Variants in ZER1 observed in about 807,000 individuals in gnomAD.
ZER1 encodes the protein zyg-11 related cell cycle regulator, also known as protein zer-1 homolog.
In ZER1, 11 loss-of-function variants were observed where a neutral mutation model predicts 78.8. The ratio of observed to expected loss-of-function variants is 0.14; its 90% confidence interval spans 0.09 to 0.23. The LOEUF (loss-of-function observed/expected upper bound fraction) is 0.23, where lower values mean the gene tolerates loss of function less well. Among genes scored for constraint, ZER1 ranks in the 10% least tolerant of loss-of-function variants. The probability of loss-of-function intolerance (pLI) is 1.00; values close to 1 mark genes in which losing one functional copy is unlikely to be tolerated. For missense variants in ZER1, 588 were observed against 996.9 expected (o/e 0.59, Z 5.52); for synonymous variants, 400 against 407.0 (o/e 0.98, Z 0.21).
chr9:128,739,988 C>T lies in ZER1; in HGVS notation c.1985G>A (p.Arg662His), dbSNP rs1329548451. The T allele has an allele frequency of 6.2e-6, 10 of 1,613,768 alleles. No individual in the cohort carries two copies. The highest frequency in any genetic ancestry group is 1.6e-4 in the Middle Eastern group (1 of 6,084). ...CCAGCTCTGGATGGCAGCCCACATGCGTTCCTCCACCTCCTCACGCTGGGG... is the reference window on the plus strand; with the variant it reads ...CCAGCTCTGGATGGCAGCCCACATGTGTTCCTCCACCTCCTCACGCTGGGG... ...CEPQREEVEE[R>H]MWAAIQSWDI... Residue 662 changes from arginine (R) to histidine (H), a missense_variant, in exon 13 of 16, where the codon CGC becomes CAC. Physicochemically the swap from Arg to His is conservative, Grantham distance 29. Coordinates refer to ENST00000291900, the MANE Select transcript of ZER1 (RefSeq NM_006336.4).
Position 128,753,077 on chromosome 9 carries a change from AC to A in ZER1, c.746+86del. ...CCTCTGCCTAGCCAAGCGCTCCTGA[AC>A]CCTGAGGGCGTGACAACACCCACCT... On this transcript the variant is annotated intron_variant, in intron 4 of 15. Coordinates refer to ENST00000291900, the MANE Select transcript of ZER1 (RefSeq NM_006336.4). This position sits in a 1 kb window ranked among gnomAD's most constrained non-coding sequence, Gnocchi z 7.5. 1 of 1,370,500 alleles carries A rather than the reference AC, an allele frequency of 7.3e-7. No individual in the cohort carries two copies. The highest frequency in any genetic ancestry group is 2.6e-4 in the Middle Eastern group (1 of 3,848). The allele number at this position is 1,370,500 out of a possible 1,614,324, so 84.9% of individuals were successfully genotyped here.
At chr9:128,734,061 G>A (rs1437831980) in intron 14 of ZER1, among the ~76,000 whole-genome samples, 7 of 103,386 alleles carry the variant, frequency 6.8e-5, no homozygotes, top group Non-Finnish European at 1.4e-4. Context: ...CCGGGAGGCG[G>A]AGCTTGCAGT....
chr9:128,740,978 GC>G lies in ZER1; in HGVS notation c.1738-92del. 1 of 724,366 alleles carries G rather than the reference GC, an allele frequency of 1.4e-6. No homozygotes were observed. The highest frequency in any genetic ancestry group is 2.6e-6 in the Non-Finnish European group (1 of 389,028). The allele number at this position is 724,366 out of a possible 1,614,324, so 44.9% of individuals were successfully genotyped here. On this transcript the variant is annotated intron_variant, in intron 11 of 15. Coordinates refer to ENST00000291900, the MANE Select transcript of ZER1 (RefSeq NM_006336.4). This position sits in a 1 kb window ranked among gnomAD's most constrained non-coding sequence, Gnocchi z 4.4. The stretch of plus-strand genomic sequence containing the variant: ...AACCAAAAAGCTTCATGGGCATCTG[GC>G]CATGCCAACTAGACAAAGAGGGGGC...
At chr9:128,765,322 A>G (rs1209744982) in intron 1 of ZER1, among the ~76,000 whole-genome samples, 1 of 152,246 alleles carries the variant, frequency 6.6e-6, no homozygotes, top group African/African-American at 2.4e-5. Flanking sequence ...GGTGTTTAAT[A>G]GAACAAAGGT....
At chr9:128,756,760 G>GC (rs1312093329) in intron 1 of ZER1, among the ~76,000 whole-genome samples, 1 of 152,182 alleles carries the variant, frequency 6.6e-6, no homozygotes, top group African/African-American at 2.4e-5. Context: ...AGTGTGTATG[G>GC]AGTTTCTTTT....
chr9:128,755,636 C>A lies in ZER1; in HGVS notation c.-71G>T. On this transcript the variant is annotated 5_prime_UTR_variant, in exon 2 of 16. Transcript: ENST00000291900. This position sits in a 1 kb window ranked among gnomAD's most constrained non-coding sequence, Gnocchi z 5.6. The stretch of plus-strand genomic sequence containing the variant: ...GGCAACAGTGATTCCTGAATACTCA[C>A]AGGATCATTGGCAGAGCCACTGCCT... The A allele has an allele frequency of 1.9e-6, 3 of 1,568,428 alleles. No individual in the cohort carries two copies. In the South Asian group the frequency reaches 3.4e-5, roughly 18 times the overall value.
chr9:128,770,809 T>C (rs368812105), intron 1 of ZER1, among the ~76,000 whole-genome samples: 97 of 152,302 alleles, frequency 6.4e-4, no homozygotes, highest in African/African-American at 2.3e-3. Flanking sequence ...AGAAACATTC[T>C]GTGAAAGATC....
At chr9:128,770,181 G>A (rs976822353) in intron 1 of ZER1, among the ~76,000 whole-genome samples, 2 of 151,940 alleles carry the variant, frequency 1.3e-5, no homozygotes, top group Non-Finnish European at 2.9e-5. Context: ...GGAATGCAAT[G>A]GGCACAATCT....
intron 8 of ZER1, among the ~76,000 whole-genome samples, chr9:128,749,624 A>AAAATAC (rs1863611776): frequency 6.6e-6 from 1 of 150,476 alleles, no homozygotes; most frequent in African/African-American, 2.5e-5. Flanking sequence ...AAAATACATA[A>AAAATAC]ATTAGGCAGG....
chr9:128,742,699 T>G lies in ZER1; in HGVS notation c.1406A>C (p.Glu469Ala). 6.2e-7 allele frequency: 1 copy of G among 1,613,924 alleles called. No homozygotes were observed. The highest frequency in any genetic ancestry group is 8.5e-7 in the Non-Finnish European group (1 of 1,179,930). Residue 469 changes from glutamate (E) to alanine (A), a missense_variant, in exon 9 of 16, where the codon GAG becomes GCG. By Grantham distance (107) the Glu-to-Ala change is moderately radical. Coordinates refer to ENST00000291900, the MANE Select transcript of ZER1 (RefSeq NM_006336.4). ...CLTLCNFSIP[E>A]ELEFQYRRVN... ...CCGGCGGTACTGGAATTCCAGCTCCTCGGGGATGCTGAAGTTGCAGAGCGT... is the reference window on the plus strand; with the variant it reads ...CCGGCGGTACTGGAATTCCAGCTCCGCGGGGATGCTGAAGTTGCAGAGCGT...
In ZER1 at chr9:128,731,466, T is replaced by G; in HGVS notation, c.2244-72A>C. On this transcript the variant is annotated intron_variant, in intron 15 of 15. Transcript: ENST00000291900. ...GGTGAGCCCAGCCCCTCCGAGATCA[T>G]TAGGCAGCTGGGTAAACACGTGTTC... 3.9e-6 allele frequency: 5 copies of G among 1,297,192 alleles called. No homozygotes were observed. The South Asian group carries it at 6.2e-5, about 16-fold the overall frequency. The allele number at this position is 1,297,192 out of a possible 1,614,324, so 80.4% of individuals were successfully genotyped here. A position where few individuals can be genotyped will look rare whatever the true frequency, so the allele number is the denominator to read the frequency against.
At chr9:128,763,816 C>A (rs1048484522) in intron 1 of ZER1, among the ~76,000 whole-genome samples, 2 of 152,072 alleles carry the variant, frequency 1.3e-5, no homozygotes, top group Admixed American at 6.6e-5. Flanking sequence ...GGTGAAACTC[C>A]GTCTCTACTA....
chr9:128,736,158 G>A (rs1377879739), intron 13 of ZER1, among the ~76,000 whole-genome samples: 3 of 151,910 alleles, frequency 2.0e-5, no homozygotes, highest in Non-Finnish European at 4.4e-5. Flanking sequence ...CACCGTGTTA[G>A]CCAGGATGGT....
intron 8 of ZER1, among the ~76,000 whole-genome samples, chr9:128,750,237 G>A (rs767499740): frequency 6.6e-6 from 1 of 152,182 alleles, no homozygotes; most frequent in Non-Finnish European, 1.5e-5. Context: ...GGGTTTATGG[G>A]TGATTTTTAT....
Position 128,735,446 on chromosome 9 carries a change from A to T in ZER1, c.2043-15T>A. On this transcript the variant is annotated splice_polypyrimidine_tract_variant and intron_variant, in intron 13 of 15. Coordinates refer to ENST00000291900, the MANE Select transcript of ZER1 (RefSeq NM_006336.4). ...GTTCAAATGACCTGCAGGAAAAGAA[A>T]TCAAGGTCACTGTGGATGCTGAGGG... The T allele has an allele frequency of 6.2e-7, 1 of 1,611,306 alleles. No individual in the cohort carries two copies. The highest frequency in any genetic ancestry group is 1.1e-5 in the South Asian group (1 of 90,714).
Position 128,753,520 on chromosome 9 carries a change from G to A in ZER1, c.390C>T (p.Thr130=), listed in dbSNP as rs776923951. 1 of 1,614,106 alleles carries A rather than the reference G, an allele frequency of 6.2e-7. No individual in the cohort carries two copies. Among genetic ancestry groups the A allele is most frequent in the Non-Finnish European group, 8.5e-7 (1 of 1,180,038 alleles). Residue 130 remains threonine (T), a synonymous_variant, in exon 4 of 16, where the codon ACC becomes ACT. Coordinates refer to ENST00000291900, the MANE Select transcript of ZER1 (RefSeq NM_006336.4). This position sits in a 1 kb window ranked among gnomAD's most constrained non-coding sequence, Gnocchi z 7.5. ...SLQTLRSFSH[T]LVSLSLFGCT... is the part of the protein sequence containing the mutation. ...AGCCGAAGAGGCTCAAGGACACCAG[G>A]GTGTGGCTGAAGCTCCTCAGTGTCT...
chr9:128,768,241 G>A (rs1048944719), intron 1 of ZER1, among the ~76,000 whole-genome samples: 1 of 152,164 alleles, frequency 6.6e-6, no homozygotes, highest in Non-Finnish European at 1.5e-5. Flanking sequence ...CTCCAGAACA[G>A]ATGAGGTACT....
chr9:128,742,058 G>A (rs1195247602), intron 9 of ZER1, among the ~76,000 whole-genome samples: 2 of 152,182 alleles, frequency 1.3e-5, no homozygotes, highest in South Asian at 2.1e-4. Flanking sequence ...CCTGGCCCTC[G>A]GGTGACTCCC....
rs761317706 is a variant in ZER1 at position 128,733,534 on chromosome 9, G to A, written c.2141-6C>T. The stretch of plus-strand genomic sequence containing the variant: ...CAGAGGGCAGTACTTGTCCGCTGTG[G>A]GATAGGAGCAGACAGCAGAGGATCA... On this transcript the variant is annotated splice_region_variant and splice_polypyrimidine_tract_variant and intron_variant, in intron 14 of 15. Transcript: ENST00000291900. The A allele has an allele frequency of 4.3e-6, 7 of 1,611,252 alleles. No individual in the cohort carries two copies.
Sources: allele counts gnomAD v4.1 joint callset (sites outside exome capture counted in the v4.1 genomes callset), GRCh38; gene constraint gnomAD v4.1.1; non-coding constraint Gnocchi (gnomAD v3.1); transcripts MANE v1.5; gene names NCBI Gene and HGNC (gene_info 2026-07-23, HGNC 2026-07-21).